The following DENND2B variants were observed in gnomAD, a reference collection of about 807,000 sequenced individuals.
DENND2B encodes DENN domain containing 2B, also known as DENN domain-containing protein 2B.
DENND2B carries 32 observed loss-of-function variants against 116.0 expected under a neutral mutation model. The ratio of observed to expected loss-of-function variants is 0.28; its 90% CI spans 0.21 to 0.37. DENND2B has a LOEUF of 0.37. Among genes scored for constraint, DENND2B ranks in the 10% least tolerant of loss-of-function variants. The probability of loss-of-function intolerance (pLI) is 1.00; values close to 1 mark genes in which losing one functional copy is unlikely to be tolerated. For synonymous variants in DENND2B, 588 were observed against 583.9 expected (o/e 1.01, Z -0.10); for missense variants, 1,276 against 1,477.7 (o/e 0.86, Z 2.24).
intron 4 of DENND2B, among the ~76,000 whole-genome samples, chr11:8,825,413 C>G (rs943912031): frequency 4.6e-5 from 7 of 151,592 alleles, no homozygotes; most frequent in Admixed American, 4.6e-4. Flanking sequence ...CTTATAGATG[C>G]TGGATACTGG....
intron 1 of DENND2B, chr11:8,808,441 C>A (rs1392826651): frequency 6.6e-6 from 1 of 152,238 alleles, no homozygotes; most frequent in African/African-American, 2.4e-5. Context: ...AGCTTCCTCC[C>A]TGCAGGATCG....
rs184028013 is a variant in DENND2B at position 8,894,275 on chromosome 11, G to A, written c.-255-13166C>T. Among the ~76,000 whole-genome samples the A allele has an allele frequency of 3.3e-5, 5 of 152,186 alleles. 1 individual carries two copies. Among genetic ancestry groups the A allele is most frequent in the African/African-American group, 4.8e-5 (2 of 41,538 alleles). ...AGATGGATTAAAGACTTAAATGTTCGACCTAAAACCATAAAAACCCTAGAA... is the reference window on the plus strand; with the variant it reads ...AGATGGATTAAAGACTTAAATGTTCAACCTAAAACCATAAAAACCCTAGAA... On this transcript the variant is annotated intron_variant, in intron 1 of 22. Coordinates refer to the DENND2B transcript ENST00000534127.
intron 1 of DENND2B, among the ~76,000 whole-genome samples, chr11:8,806,202 T>C (rs1167897250): frequency 6.6e-6 from 1 of 152,136 alleles, no homozygotes; most frequent in Non-Finnish European, 1.5e-5. Context: ...ACCCTCAGTT[T>C]ATCTCATTTT....
intron 1 of DENND2B, among the ~76,000 whole-genome samples, chr11:8,798,459 C>T (rs78795417): frequency 6.6e-6 from 1 of 152,092 alleles, no homozygotes. Context: ...AAAGCCATCC[C>T]AACCCCCCCA....
At chr11:8,751,081 T>C (rs1335815131) in intron 1 of DENND2B, among the ~76,000 whole-genome samples, 5 of 151,778 alleles carry the variant, frequency 3.3e-5, no homozygotes, top group African/African-American at 1.2e-4. Context: ...GGAGAATCTT[T>C]ATGTCTAGCT....
At chr11:8,706,987 C>T (rs2042716324) in intron 13 of DENND2B, 98 bp downstream of exon 13, 1 of 1,464,768 alleles carries the variant, frequency 6.8e-7, no homozygotes, top group African/African-American at 1.4e-5. Context: ...CAAGGAGGGA[C>T]CGTGCTCTGC....
intron 2 of DENND2B, among the ~76,000 whole-genome samples, chr11:8,861,459 G>A (rs1288580380): frequency 1.3e-5 from 2 of 152,144 alleles, no homozygotes; most frequent in Non-Finnish European, 2.9e-5. Context: ...TCAGGGAGAT[G>A]CAAATTAAAA....
In DENND2B at chr11:8,881,908, C is replaced by G. The variant is rs190775565; in HGVS notation, c.-255-799G>C. On this transcript the variant is annotated intron_variant, in intron 1 of 22. Transcript: ENST00000534127. ...GAGCTTCTTACTTAACTTCTCTATT[C>G]TCTTAATATCTCTATCAACTCCTGT... Among the ~76,000 whole-genome samples the G allele has an allele frequency of 2.5e-3, 376 of 152,312 alleles. 1 individual carries two copies. Among genetic ancestry groups the G allele is most frequent in the African/African-American group, 7.8e-3 (326 of 41,568 alleles).
intron 1 of DENND2B, among the ~76,000 whole-genome samples, chr11:8,791,546 C>T (rs1471138624): frequency 6.6e-6 from 1 of 151,972 alleles, no homozygotes; most frequent in Non-Finnish European, 1.5e-5. Flanking sequence ...GCAGGCGGAT[C>T]GCTCAAGGTC....
At chr11:8,889,402 C>G (rs1419327317) in intron 1 of DENND2B, among the ~76,000 whole-genome samples, 1 of 152,204 alleles carries the variant, frequency 6.6e-6, no homozygotes, top group Non-Finnish European at 1.5e-5. Context: ...GGGTGCAGTA[C>G]AGTGGGTGCA....
intron 1 of DENND2B, among the ~76,000 whole-genome samples, chr11:8,900,252 C>T (rs1444099693): frequency 2.7e-5 from 4 of 149,016 alleles, no homozygotes; most frequent in African/African-American, 7.4e-5. Flanking sequence ...GGTGAAACCC[C>T]GTCTCTACTA....
intron 11 of DENND2B, chr11:8,708,213 G>A: frequency 8.1e-7 from 1 of 1,236,956 alleles, no homozygotes; most frequent in Non-Finnish European, 1.0e-6. Flanking sequence ...GACCCCAGCA[G>A]ATGGGAAGGA....
chr11:8,865,053 T>C (rs776138558), intron 2 of DENND2B, among the ~76,000 whole-genome samples: 2 of 152,190 alleles, frequency 1.3e-5, no homozygotes, highest in African/African-American at 2.4e-5. Flanking sequence ...CCTTTTATCA[T>C]TAAGAGTCCC....
intron 2 of DENND2B, among the ~76,000 whole-genome samples, chr11:8,748,806 GAAGT>G (rs1255546226): frequency 3.9e-5 from 6 of 152,246 alleles, no homozygotes; most frequent in East Asian, 1.9e-4. Context: ...AAAACACTTA[GAAGT>G]AAGTAGGCAT....
intron 2 of DENND2B, among the ~76,000 whole-genome samples, chr11:8,862,679 T>C (rs2063437300): frequency 6.6e-6 from 1 of 152,144 alleles, no homozygotes; most frequent in Non-Finnish European, 1.5e-5. Flanking sequence ...CTATCTGGTC[T>C]TCTGTTTTTC....
intron 2 of DENND2B, among the ~76,000 whole-genome samples, chr11:8,738,668 GT>G (rs1477414354): frequency 6.6e-6 from 1 of 152,124 alleles, no homozygotes; most frequent in Non-Finnish European, 1.5e-5. Context: ...TGTTAAAGCA[GT>G]TTTGATCCAT....
intron 1 of DENND2B, chr11:8,895,410 A>T (rs1264235745): frequency 3.3e-5 from 5 of 152,226 alleles, no homozygotes; most frequent in Admixed American, 2.6e-4. Context: ...AATTTTAAAA[A>T]AAATGGATGG....
chr11:8,806,470 T>C (rs34417491), intron 1 of DENND2B, among the ~76,000 whole-genome samples: 41,969 of 151,922 alleles, frequency 0.28, 6,028 homozygotes, highest in Middle Eastern at 0.37. Flanking sequence ...GAGAAGAGTA[T>C]AGTGATAGTT....
At chr11:8,695,739 C>T (rs2040240687) in intron 18 of DENND2B, 190 bp from the exon 19 acceptor site, 7 of 591,810 alleles carry the variant, frequency 1.2e-5, no homozygotes, top group South Asian at 2.0e-5. Context: ...GACATCTTGC[C>T]GGGGTTTGCT....
Sources: allele counts gnomAD v4.1 joint callset (sites outside exome capture counted in the v4.1 genomes callset), GRCh38; gene constraint gnomAD v4.1.1; transcripts MANE v1.5; gene names NCBI Gene and HGNC (gene_info 2026-07-23, HGNC 2026-07-21).